Variants in RYR2 observed in about 807,000 individuals in gnomAD.
RYR2 encodes the protein ryanodine receptor 2, also known as cardiac muscle ryanodine receptor-calcium release channel.
A neutral mutation model predicts 601.1 loss-of-function variants in RYR2; 227 were observed. The observed-to-expected ratio is 0.38, with a 90% CI of 0.34 to 0.42. The LOEUF (loss-of-function observed/expected upper bound fraction) is 0.42, where lower values mean the gene tolerates loss of function less well. Among genes scored for constraint, RYR2 ranks in the 10% least tolerant of loss-of-function variants. RYR2 has a pLI of 1.00. For synonymous variants in RYR2, 2,223 were observed against 2,175.1 expected, an observed-to-expected ratio of 1.02 and a Z score of -0.61; for missense variants, 4,646 against 6,156.5, an observed-to-expected ratio of 0.75 and a Z score of 8.21.
At chr1:237,383,417 G>GT (rs10567644) in intron 8 of RYR2, among the ~76,000 whole-genome samples, 1,391 of 50,550 alleles carry the variant, frequency 0.028, 427 homozygotes, top group Non-Finnish European at 0.044. Context: ...CTTTTTTCTT[G>GT]TTTTTTTTTT....
At chr1:237,579,750 T>C (rs1186467793) in intron 29 of RYR2, among the ~76,000 whole-genome samples, 1 of 152,216 alleles carries the variant, frequency 6.6e-6, no homozygotes, top group Non-Finnish European at 1.5e-5. Context: ...TATTCCCTTC[T>C]TCACTTGTTC....
At chr1:237,282,453 G>A (rs1690992480) in intron 2 of RYR2, among the ~76,000 whole-genome samples, 1 of 151,912 alleles carries the variant, frequency 6.6e-6, no homozygotes, top group South Asian at 2.1e-4. Context: ...TAACTCTTGG[G>A]CTGTGATTTG....
At chr1:237,712,347 G>A (rs1688914637) in intron 71 of RYR2, among the ~76,000 whole-genome samples, 1 of 151,974 alleles carries the variant, frequency 6.6e-6, no homozygotes, top group African/African-American at 2.4e-5. Flanking sequence ...GAGTATAAGA[G>A]CCCGATAGGT....
chr1:237,589,770 C>G (rs780301185), intron 29 of RYR2, 23 bp from the exon 30 acceptor site: 4 of 1,588,006 alleles, frequency 2.5e-6, no homozygotes, highest in Non-Finnish European at 2.6e-6. Flanking sequence ...GGTACTAAAA[C>G]TTGATTTTTT....
chr1:237,691,333 A>G (rs1194725382), intron 63 of RYR2, among the ~76,000 whole-genome samples: 2 of 152,174 alleles, frequency 1.3e-5, no homozygotes, highest in Non-Finnish European at 2.9e-5. Flanking sequence ...GAGACAGGAC[A>G]GGAGCATTAA....
intron 1 of RYR2, among the ~76,000 whole-genome samples, chr1:237,245,139 C>T (rs1431579707): frequency 3.3e-5 from 5 of 151,818 alleles, no homozygotes; most frequent in Non-Finnish European, 7.4e-5. Flanking sequence ...ATCCCTTGAG[C>T]CCAGGAGTTT....
intron 79 of RYR2, among the ~76,000 whole-genome samples, chr1:237,734,464 T>G (rs528456798): frequency 9.2e-5 from 14 of 152,226 alleles, no homozygotes; most frequent in Admixed American, 3.3e-4. Context: ...GATATAAGAT[T>G]TTGGTGGGGA....
At chr1:237,359,075 A>G (rs2149705557) in intron 4 of RYR2, among the ~76,000 whole-genome samples, 1 of 152,196 alleles carries the variant, frequency 6.6e-6, no homozygotes, top group Non-Finnish European at 1.5e-5. Flanking sequence ...ATATCCTGAA[A>G]AGCCCTTCAG....
intron 68 of RYR2, 112 bp from the exon 69 acceptor site, chr1:237,708,746 A>G: frequency 1.1e-6 from 1 of 916,422 alleles, no homozygotes; most frequent in Non-Finnish European, 1.7e-6. Flanking sequence ...CCCTTAAGGA[A>G]GTCATGTGCT....
At chr1:237,658,428 G>A (rs543854133) in intron 54 of RYR2, among the ~76,000 whole-genome samples, 2 of 152,162 alleles carry the variant, frequency 1.3e-5, no homozygotes, top group African/African-American at 4.8e-5. Flanking sequence ...GTCCTGCTCT[G>A]CTGCCCAGGC....
At chr1:237,651,853 C>T (rs547840104) in intron 51 of RYR2, among the ~76,000 whole-genome samples, 19 of 152,166 alleles carry the variant, frequency 1.2e-4, no homozygotes, top group Middle Eastern at 3.4e-3. Flanking sequence ...CTAGCTAACA[C>T]GGTGAAACCC....
At chr1:237,536,807 A>G (rs1668682906) in intron 25 of RYR2, among the ~76,000 whole-genome samples, 1 of 149,804 alleles carries the variant, frequency 6.7e-6, no homozygotes, top group Admixed American at 6.6e-5. Context: ...AATGGCGTGA[A>G]CCCGGGAGGC....
chr1:237,526,654 C>T (rs748366518), intron 24 of RYR2, among the ~76,000 whole-genome samples: 2 of 152,084 alleles, frequency 1.3e-5, no homozygotes, highest in African/African-American at 4.8e-5. Flanking sequence ...ACCCTTTGGC[C>T]GGTTTTTAAT....
At chr1:237,460,462 G>T (rs897592379) in intron 16 of RYR2, among the ~76,000 whole-genome samples, 4 of 152,192 alleles carry the variant, frequency 2.6e-5, no homozygotes, top group African/African-American at 9.7e-5. Flanking sequence ...CCAAGAAGCT[G>T]AAGTGTCCAT....
chr1:237,769,963 G>A (rs1278226542), intron 84 of RYR2, among the ~76,000 whole-genome samples: 2 of 152,040 alleles, frequency 1.3e-5, no homozygotes, highest in Admixed American at 1.3e-4. Flanking sequence ...TTGTGATCAA[G>A]ATACCTTTAA....
intron 25 of RYR2, among the ~76,000 whole-genome samples, chr1:237,544,798 G>A (rs904583888): frequency 3.9e-5 from 6 of 152,020 alleles, no homozygotes; most frequent in African/African-American, 7.2e-5. Flanking sequence ...CAGAAAATTC[G>A]TTTCATAAAT....
chr1:237,355,153 T>G (rs1268043000), intron 3 of RYR2, among the ~76,000 whole-genome samples: 1 of 152,114 alleles, frequency 6.6e-6, no homozygotes, highest in Non-Finnish European at 1.5e-5. Context: ...ATGAAGGGTG[T>G]GAAGCAAGCC....
intron 1 of RYR2, among the ~76,000 whole-genome samples, chr1:237,259,863 T>C (rs572554118): frequency 6.6e-6 from 1 of 152,254 alleles, no homozygotes; most frequent in East Asian, 1.9e-4. Flanking sequence ...ATCACTGCAA[T>C]TAAAACTATG....
At chr1:237,638,229 C>G in intron 44 of RYR2, 128 bp from the exon 45 acceptor site, 1 of 1,187,490 alleles carries the variant, frequency 8.4e-7, no homozygotes, top group Non-Finnish European at 1.2e-6. Flanking sequence ...ATCATGAGAG[C>G]AAAAAGAATT....
Sources: allele counts gnomAD v4.1 joint callset (sites outside exome capture counted in the v4.1 genomes callset), GRCh38; gene constraint gnomAD v4.1.1; transcripts MANE v1.5; gene names NCBI Gene and HGNC (gene_info 2026-07-23, HGNC 2026-07-21).